TSNAXIP1: variants seen among roughly 807,000 people sequenced by gnomAD.
TSNAXIP1 encodes the protein translin-associated factor X-interacting protein 1.
In TSNAXIP1, 89 loss-of-function variants were observed where a neutral mutation model predicts 84.8. The observed-to-expected ratio is 1.05, with a 90% CI of 0.88 to 1.25. The LOEUF is 1.25. Ranked by LOEUF, TSNAXIP1 falls within the 50% of genes most tolerant of loss-of-function variation. TSNAXIP1 has a pLI of 0.00. For synonymous variants in TSNAXIP1, 347 were observed against 335.2 expected, an observed-to-expected ratio of 1.04 and a Z score of -0.39; for missense variants, 874 against 887.6, an observed-to-expected ratio of 0.98 and a Z score of 0.20.
rs1017280861 is a variant in TSNAXIP1 at position 67,823,631 on chromosome 16, C to A, written c.393C>A (p.Tyr131Ter). Reference sequence around the variant, plus strand: ...GGGTTCCCTTTTCTTGCCAGCCTTACAGAGAGATCTTTGAGTTCTTCATAG... The same window carrying A: ...GGGTTCCCTTTTCTTGCCAGCCTTAAAGAGAGATCTTTGAGTTCTTCATAG... ...DSTQELRLQP[Y>*]REIFEFFIED... The change falls in exon 5 of 16, where the codon TAC (tyrosine) becomes TAA (stop). Residue 131 changes from tyrosine to a stop codon, truncating the protein, a stop_gained. Transcript: ENST00000561639. LOFTEE classifies it high-confidence loss of function. 1.2e-6 allele frequency: 2 copies of A among 1,613,518 alleles called. No homozygotes were observed. Among genetic ancestry groups the A allele is most frequent in the African/African-American group, 1.3e-5 (1 of 74,894 alleles).
intron 4 of TSNAXIP1, among the ~76,000 whole-genome samples, chr16:67,821,784 G>A (rs1184080732): frequency 2.0e-5 from 3 of 151,986 alleles, no homozygotes; most frequent in Admixed American, 2.0e-4. Context: ...GAGGTCAGGA[G>A]TTCAAGACCA....
chr16:67,826,700 G>A lies in TSNAXIP1; in HGVS notation c.1410G>A (p.Thr470=), dbSNP rs772170509. 36 of 1,613,482 alleles carry A rather than the reference G, an allele frequency of 2.2e-5. No individual in the cohort carries two copies. The highest frequency in any genetic ancestry group is 8.3e-5 in the Admixed American group (5 of 59,900). The change falls in exon 12 of 16, where the codon ACG becomes ACA. Residue 470 remains threonine, a synonymous_variant. Coordinates refer to ENST00000561639, the MANE Select transcript of TSNAXIP1 (RefSeq NM_001288990.3). ...TTTCCTCGATCCCGCAGAAAGAGAC[G>A]TTCCCAGATTTCTTCTTCAATTTCC... is the stretch of plus-strand genomic sequence containing the variant. ...KERLAEEQKE[T]FPDFFFNFLE...
chr16:67,812,374 T>A (rs1597994951), intron 1 of TSNAXIP1, among the ~76,000 whole-genome samples: 1 of 150,908 alleles, frequency 6.6e-6, no homozygotes, highest in Admixed American at 6.6e-5. Context: ...TTTATTTATT[T>A]AAAAAAAAAT....
chr16:67,823,650 T>C lies in TSNAXIP1; in HGVS notation c.412T>C (p.Phe138Leu). The change falls in exon 5 of 16, where the codon TTC (phenylalanine) becomes CTC (leucine). Residue 138 changes from phenylalanine (F) to leucine (L), a missense_variant. Coordinates refer to ENST00000561639, the MANE Select transcript of TSNAXIP1 (RefSeq NM_001288990.3). ...LQPYREIFEF[F>L]IEDFKTYKPL... The stretch of plus-strand genomic sequence containing the variant: ...GCCTTACAGAGAGATCTTTGAGTTC[T>C]TCATAGAGGACTTCAAAACGTACAA... 1 of 1,613,880 alleles carries C rather than the reference T, an allele frequency of 6.2e-7. No homozygotes were observed. Among genetic ancestry groups the C allele is most frequent in the African/African-American group, 1.3e-5 (1 of 75,042 alleles).
intron 2 of TSNAXIP1, among the ~76,000 whole-genome samples, chr16:67,817,995 GGTCAGGA>G (rs1253625640): frequency 6.6e-6 from 1 of 152,156 alleles, no homozygotes; most frequent in Non-Finnish European, 1.5e-5. Flanking sequence ...CAGATCACTA[GGTCAGGA>G]GTTCAAGACC....
rs1374926656 is a variant in TSNAXIP1 at position 67,824,706 on chromosome 16, T to C, written c.605T>C (p.Leu202Pro). 13 of 1,613,952 alleles carry C rather than the reference T, an allele frequency of 8.1e-6. No individual in the cohort carries two copies. The highest frequency in any genetic ancestry group is 1.1e-5 in the Non-Finnish European group (13 of 1,180,018). ...GAGGAGAAATATGAAATCTCCCTGCTCAAGAAAGAGAAGATGAACTTGCTA... is the reference window on the plus strand; with the variant it reads ...GAGGAGAAATATGAAATCTCCCTGCCCAAGAAAGAGAAGATGAACTTGCTA... Reference protein sequence around the residue: ...RAEEKYEISLLKKEKMNLLKL... With the variant: ...RAEEKYEISLPKKEKMNLLKL... The change falls in exon 6 of 16, where the codon CTC (leucine) becomes CCC (proline). Residue 202 changes from leucine to proline, a missense_variant. Physicochemically the swap from Leu to Pro is moderately conservative, Grantham distance 98. Coordinates refer to ENST00000561639, the MANE Select transcript of TSNAXIP1 (RefSeq NM_001288990.3).
In TSNAXIP1 at chr16:67,827,365, T is replaced by C. The variant is rs751308715; in HGVS notation, c.1781T>C (p.Leu594Pro). The C allele has an allele frequency of 4.3e-6, 7 of 1,614,082 alleles. No homozygotes were observed. The highest frequency in any genetic ancestry group is 5.9e-6 in the Non-Finnish European group (7 of 1,180,046). Residue 594 changes from leucine to proline, a missense_variant, in exon 14 of 16, where the codon CTG becomes CCG. Physicochemically the swap from Leu to Pro is moderately conservative, Grantham distance 98. Coordinates refer to ENST00000561639, the MANE Select transcript of TSNAXIP1 (RefSeq NM_001288990.3). ...SNADLLNYRS[L>P]FMEDEEGQSE... ...GCAGACTTGCTCAACTACCGCTCACTGTTTATGGAGGTGGGTGTGTGGGGT... is the reference window on the plus strand; with the variant it reads ...GCAGACTTGCTCAACTACCGCTCACCGTTTATGGAGGTGGGTGTGTGGGGT...
At chr16:67,819,598 C>T (rs934910829) in intron 2 of TSNAXIP1, among the ~76,000 whole-genome samples, 4 of 151,630 alleles carry the variant, frequency 2.6e-5, no homozygotes, top group Non-Finnish European at 4.4e-5. Flanking sequence ...TTACTGAGTT[C>T]CTAGCAAGTA....
Position 67,823,633 on chromosome 16 carries a change from G to A in TSNAXIP1, c.395G>A (p.Arg132Lys). 6.2e-7 allele frequency: 1 copy of A among 1,613,734 alleles called. No homozygotes were observed. ...GTTCCCTTTTCTTGCCAGCCTTACA[G>A]AGAGATCTTTGAGTTCTTCATAGAG... ...STQELRLQPY[R>K]EIFEFFIEDF... The change falls in exon 5 of 16, where the codon AGA (arginine) becomes AAA (lysine). Residue 132 changes from arginine (R) to lysine (K), a missense_variant. Arg to Lys is a conservative substitution (Grantham distance 26). Transcript: ENST00000561639.
At chr16:67,810,706 G>T (rs1482796494) in intron 1 of TSNAXIP1, among the ~76,000 whole-genome samples, 2 of 151,886 alleles carry the variant, frequency 1.3e-5, no homozygotes, top group African/African-American at 4.8e-5. Flanking sequence ...CCCTCTGAGG[G>T]TTACCATAAA....
chr16:67,826,877 G>A lies in TSNAXIP1; in HGVS notation c.1554+33G>A, dbSNP rs377520266. 9 of 1,611,826 alleles carry A rather than the reference G, an allele frequency of 5.6e-6. No individual in the cohort carries two copies. The East Asian group carries it at 6.7e-5, about 12-fold the overall frequency. On this transcript the variant is annotated intron_variant, in intron 12 of 15. Coordinates refer to ENST00000561639, the MANE Select transcript of TSNAXIP1 (RefSeq NM_001288990.3). ...GGGGCCTATTCCCCTTGGGGAGACT[G>A]AGAGGGGTCTTTGTCCCTAGCATAG...
chr16:67,826,248 G>C lies in TSNAXIP1; in HGVS notation c.1241G>C (p.Gly414Ala), dbSNP rs2057436076. The C allele has an allele frequency of 1.9e-6, 3 of 1,586,314 alleles. No individual in the cohort carries two copies. The highest frequency in any genetic ancestry group is 1.7e-6 in the Non-Finnish European group (2 of 1,164,854). Residue 414 changes from glycine (G) to alanine (A), a missense_variant, in exon 10 of 16, where the codon GGG becomes GCG. Physicochemically the swap from Gly to Ala is moderately conservative, Grantham distance 60 (BLOSUM62 0). Transcript: ENST00000561639. Reference sequence around the variant, plus strand: ...GTGCTCCTGGAAGAGATTGGTTCGGGGCTGCTGCGGGAGAAAGACTTCTTC... The same window carrying C: ...GTGCTCCTGGAAGAGATTGGTTCGGCGCTGCTGCGGGAGAAAGACTTCTTC... ...VDVLLEEIGS[G>A]LLREKDFFPG... is the part of the protein sequence containing the mutation.
In TSNAXIP1 at chr16:67,827,797, C is replaced by CCAT. The variant is rs1405285714; in HGVS notation, c.1945_1947dup (p.Ile649dup). 5.0e-6 allele frequency: 8 copies of CCAT among 1,613,988 alleles called. No individual in the cohort carries two copies. Among genetic ancestry groups the CCAT allele is most frequent in the Non-Finnish European group, 6.8e-6 (8 of 1,180,028 alleles). ...CCCAAGCTGCGAGGGGGCCTGATGA[C>CCAT]CATCGACCCCAGCCTGGACAAGCAG... On this transcript the variant is annotated inframe_insertion, in exon 16 of 16. Coordinates refer to ENST00000561639, the MANE Select transcript of TSNAXIP1 (RefSeq NM_001288990.3).
At chr16:67,812,548 C>A (rs1164246083) in intron 1 of TSNAXIP1, among the ~76,000 whole-genome samples, 1 of 151,548 alleles carries the variant, frequency 6.6e-6, no homozygotes, top group Non-Finnish European at 1.5e-5. Context: ...CACCTGTAGT[C>A]CCAGCTACTC....
Position 67,826,826 on chromosome 16 carries a change from T to C in TSNAXIP1, c.1536T>C (p.Tyr512=), listed in dbSNP as rs201025140. The change falls in exon 12 of 16, where the codon TAT becomes TAC. Residue 512 remains tyrosine (Y), a synonymous_variant. Coordinates refer to ENST00000561639, the MANE Select transcript of TSNAXIP1 (RefSeq NM_001288990.3). ...CCAACGAGGTTATGAGTCAGTTCTATGCAGTCTTGATGGGAAAGGTGAGCT... is the reference window on the plus strand; with the variant it reads ...CCAACGAGGTTATGAGTCAGTTCTACGCAGTCTTGATGGGAAAGGTGAGCT... ...FHSNEVMSQF[Y]AVLMGKRSEN... 1.2e-6 allele frequency: 2 copies of C among 1,613,804 alleles called. No homozygotes were observed. Among genetic ancestry groups the C allele is most frequent in the African/African-American group, 1.3e-5 (1 of 75,072 alleles).
rs373627128 is a variant in TSNAXIP1 at position 67,813,731 on chromosome 16, C to CAAAAAAAAAA, written c.48-556_48-547dup. ...TGGGTGACAGGGTAAGACTCCGTCTCAAAAAAAAAAAAAAAAAAAAAAAAG... is the reference window on the plus strand; with the variant it reads ...TGGGTGACAGGGTAAGACTCCGTCTCAAAAAAAAAAAAAAAAAAAAAAAAAAAAAAAAAAG... On this transcript the variant is annotated intron_variant, in intron 1 of 15. Coordinates refer to ENST00000561639, the MANE Select transcript of TSNAXIP1 (RefSeq NM_001288990.3). 3.2e-3 allele frequency among the ~76,000 whole-genome samples: 133 copies of CAAAAAAAAAA among 41,130 alleles called. 4 individuals are homozygous for CAAAAAAAAAA. Among genetic ancestry groups the CAAAAAAAAAA allele is most frequent in the Non-Finnish European group, 4.2e-3 (91 of 21,586 alleles). The allele number at this position is 41,130 out of a possible 152,430, so 27.0% of individuals were successfully genotyped here.
chr16:67,816,591 T>C (rs2056569626), intron 2 of TSNAXIP1, among the ~76,000 whole-genome samples: 1 of 152,114 alleles, frequency 6.6e-6, no homozygotes, highest in African/African-American at 2.4e-5. Flanking sequence ...CCCAAAAACC[T>C]GATGACTAGG....
At position 67,825,220 on chromosome 16, in the gene TSNAXIP1, C is replaced by G. The variant is rs748946572; in HGVS notation, c.762C>G (p.Asp254Glu). Residue 254 changes from aspartate (D) to glutamate (E), a missense_variant, in exon 7 of 16, where the codon GAC becomes GAG. Physicochemically the swap from Asp to Glu is conservative, Grantham distance 45 (BLOSUM62 2). Coordinates refer to ENST00000561639, the MANE Select transcript of TSNAXIP1 (RefSeq NM_001288990.3). ...ATGCCTGTAAGATCCTCATCGCAGA[C>G]CTGAATGAGCTGCGGTACCAGCGGG... ...ERDACKILIA[D>E]LNELRYQRED... 2.5e-6 allele frequency: 4 copies of G among 1,614,038 alleles called. No homozygotes were observed. In the Admixed American group the frequency reaches 5.0e-5, roughly 20 times the overall value.
At position 67,824,545 on chromosome 16, in the gene TSNAXIP1, A is replaced by G. The variant is rs551608524; in HGVS notation, c.482-38A>G. 1.0e-5 allele frequency: 16 copies of G among 1,600,262 alleles called. No homozygotes were observed. In the South Asian group the frequency reaches 1.2e-4, roughly 12 times the overall value. On this transcript the variant is annotated intron_variant, in intron 5 of 15. Transcript: ENST00000561639. ...GGTGTCTTCTGGCTGTTTGTTCTCC[A>G]TGGCCCCAAAGCAGCTCTCCCACCT...
Sources: gnomAD v4.1 joint callset for allele counts (sites outside exome capture counted in the v4.1 genomes callset) on GRCh38, gnomAD v4.1.1 for gene constraint, MANE v1.5 for transcripts, NCBI Gene and HGNC (gene_info 2026-07-23, HGNC 2026-07-21) for gene names.